The following NTNG1 variants were observed in gnomAD, a reference collection of about 807,000 sequenced individuals.
NTNG1 encodes the protein netrin G1, also known as netrin-G1.
A neutral mutation model predicts 54.0 loss-of-function variants in NTNG1; 16 were observed. The observed-to-expected ratio is 0.30, with a 90% confidence interval of 0.20 to 0.45. NTNG1 has a LOEUF of 0.45. NTNG1 is among the 20% of genes least tolerant of loss of function. NTNG1 has a pLI of 1.00. For synonymous variants in NTNG1, 255 were observed against 263.1 expected, an observed-to-expected ratio of 0.97 and a Z score of 0.30; for missense variants, 530 against 678.7, an observed-to-expected ratio of 0.78 and a Z score of 2.43.
At chr1:107,193,652 C>G (rs374025776) in intron 2 of NTNG1, among the ~76,000 whole-genome samples, 17 of 151,986 alleles carry the variant, frequency 1.1e-4, no homozygotes, top group African/African-American at 4.1e-4. Context: ...CTAAGAGGTC[C>G]AAGTGAAGGT....
intron 2 of NTNG1, among the ~76,000 whole-genome samples, chr1:107,291,292 A>G (rs1294769116): frequency 6.6e-6 from 1 of 152,150 alleles, no homozygotes; most frequent in South Asian, 2.1e-4. Flanking sequence ...AGAATATAGT[A>G]TATAATACAT....
intron 3 of NTNG1, among the ~76,000 whole-genome samples, chr1:107,368,387 A>G (rs1173270924): frequency 6.6e-6 from 1 of 152,018 alleles, no homozygotes; most frequent in Non-Finnish European, 1.5e-5. Context: ...TTCACCTTGC[A>G]TAATGATCTT....
intron 2 of NTNG1, among the ~76,000 whole-genome samples, chr1:107,177,096 G>C (rs1043736073): frequency 6.6e-6 from 1 of 152,122 alleles, no homozygotes; most frequent in African/African-American, 2.4e-5. Context: ...CATGATAGCT[G>C]CTATTCTAAT....
chr1:107,463,764 C>T (rs1385406425), intron 7 of NTNG1, among the ~76,000 whole-genome samples: 2 of 151,952 alleles, frequency 1.3e-5, no homozygotes, highest in Non-Finnish European at 2.9e-5. Context: ...TGATTATGTC[C>T]TTAGGAGTCA....
At chr1:107,435,584 G>T (rs1394129506) in intron 6 of NTNG1, among the ~76,000 whole-genome samples, 1 of 151,954 alleles carries the variant, frequency 6.6e-6, no homozygotes, top group African/African-American at 2.4e-5. Context: ...CATCTATAAG[G>T]CTAAACCCTG....
chr1:107,350,257 C>T (rs548052028), intron 3 of NTNG1, among the ~76,000 whole-genome samples: 63 of 152,046 alleles, frequency 4.1e-4, no homozygotes, highest in Non-Finnish European at 6.9e-4. Flanking sequence ...TTTAATTGAT[C>T]CATAGAAATA....
chr1:107,403,049 A>G (rs1250657181), intron 4 of NTNG1, among the ~76,000 whole-genome samples: 3 of 152,134 alleles, frequency 2.0e-5, no homozygotes, highest in Admixed American at 2.0e-4. Context: ...TGAAATCATC[A>G]TTTTGACTTC....
In NTNG1 at chr1:107,480,847, C is replaced by A; in HGVS notation, c.*7C>A. 6.5e-7 allele frequency: 1 copy of A among 1,548,992 alleles called. No homozygotes were observed. The highest frequency in any genetic ancestry group is 1.2e-5 in the South Asian group (1 of 84,310). ...CAGCCCCCTGGTGTTCTAGGTGTCACCTCCAGCCACACCGGACGGGCCTGT... is the reference window on the plus strand; with the variant it reads ...CAGCCCCCTGGTGTTCTAGGTGTCAACTCCAGCCACACCGGACGGGCCTGT... On this transcript the variant is annotated 3_prime_UTR_variant, in exon 8 of 8. Transcript: ENST00000370068.
intron 3 of NTNG1, among the ~76,000 whole-genome samples, chr1:107,367,108 CTA>C (rs1227991757): frequency 6.6e-6 from 1 of 151,516 alleles, no homozygotes; most frequent in East Asian, 1.9e-4. Context: ...CTCTAGCACA[CTA>C]TGGGTGCATA....
intron 2 of NTNG1, among the ~76,000 whole-genome samples, chr1:107,316,250 C>A (rs1667330894): frequency 6.6e-6 from 1 of 152,178 alleles, no homozygotes; most frequent in Admixed American, 6.5e-5. Flanking sequence ...GTGCTATCTT[C>A]TACCTAGAAG....
intron 7 of NTNG1, among the ~76,000 whole-genome samples, chr1:107,454,415 C>T (rs1412883716): frequency 1.3e-5 from 2 of 152,130 alleles, no homozygotes; most frequent in South Asian, 2.1e-4. Context: ...GAGACCCTGC[C>T]GTAAAGTAGA....
intron 6 of NTNG1, among the ~76,000 whole-genome samples, chr1:107,431,242 G>T (rs1034547459): frequency 6.6e-5 from 10 of 151,880 alleles, no homozygotes; most frequent in African/African-American, 2.2e-4. Context: ...TGATCTTATA[G>T]CCTTAAACTT....
chr1:107,378,225 C>T (rs896455514), intron 3 of NTNG1, among the ~76,000 whole-genome samples: 2 of 152,198 alleles, frequency 1.3e-5, no homozygotes, highest in Admixed American at 6.5e-5. Context: ...ATGAGGAACT[C>T]CTGGGTCAGC....
chr1:107,252,536 T>C (rs1218048208), intron 2 of NTNG1, among the ~76,000 whole-genome samples: 3 of 152,192 alleles, frequency 2.0e-5, no homozygotes, highest in Non-Finnish European at 4.4e-5. Flanking sequence ...TTTAGTCTGC[T>C]TCTGGGTTCT....
chr1:107,191,488 A>G (rs1424699209), intron 2 of NTNG1, among the ~76,000 whole-genome samples: 1 of 152,154 alleles, frequency 6.6e-6, no homozygotes, highest in Non-Finnish European at 1.5e-5. Context: ...TGTTTTAGAC[A>G]TGAAGTCCTT....
At chr1:107,190,674 G>T (rs1657841773) in intron 2 of NTNG1, among the ~76,000 whole-genome samples, 1 of 152,104 alleles carries the variant, frequency 6.6e-6, no homozygotes. Context: ...AGAACATGCG[G>T]TGTTTGGCTT....
intron 2 of NTNG1, among the ~76,000 whole-genome samples, chr1:107,173,726 TC>T (rs200185164): frequency 0.016 from 2,465 of 149,398 alleles, 69 homozygotes; most frequent in African/African-American, 0.058. Context: ...TTTCTTTCTT[TC>T]TTTTTTTTTT....
chr1:107,323,833 T>G (rs1443805072), intron 2 of NTNG1, among the ~76,000 whole-genome samples: 1 of 152,104 alleles, frequency 6.6e-6, no homozygotes, highest in East Asian at 1.9e-4. Flanking sequence ...AGAACACAGG[T>G]ATCTATGGTT....
chr1:107,162,779 T>A (rs1249547857), intron 2 of NTNG1, among the ~76,000 whole-genome samples: 1 of 152,172 alleles, frequency 6.6e-6, no homozygotes, highest in African/African-American at 2.4e-5. Context: ...ATATGTAATT[T>A]TTTTCCCAAA....
Sources: allele counts gnomAD v4.1 joint callset (sites outside exome capture counted in the v4.1 genomes callset), GRCh38; gene constraint gnomAD v4.1.1; transcripts MANE v1.5; gene names NCBI Gene and HGNC (gene_info 2026-07-23, HGNC 2026-07-21).